Variants in IL12RB1 observed in about 807,000 individuals in gnomAD.
IL12RB1 encodes the protein interleukin 12 receptor subunit beta 1, also known as interleukin-12 receptor subunit beta-1.
A neutral mutation model predicts 94.4 loss-of-function variants in IL12RB1; 64 were observed. The observed-to-expected ratio is 0.68, with a 90% CI of 0.55 to 0.83. IL12RB1 has a LOEUF of 0.83. IL12RB1 is among the 40% of genes least tolerant of loss of function. The probability of loss-of-function intolerance (pLI) is 0.00; values close to 1 mark genes in which losing one functional copy is unlikely to be tolerated. For synonymous variants in IL12RB1, 362 were observed against 355.5 expected (o/e 1.02, Z -0.21); for missense variants, 814 against 855.6 (o/e 0.95, Z 0.61).
rs138189707 is a variant in IL12RB1, at chr19:18,073,528, G to C, written c.772C>G (p.Leu258Val). ...LGQDGRRRLT[L>V]KEQPTQLELP... is the part of the protein sequence containing the mutation. ...GACAGCCCCGTTACCTGCTCTTTCA[G>C]GGTCAGCCGCCTCCTCCCATCCTGG... The change falls in exon 8 of 17, where the codon CTG becomes GTG. Residue 258 changes from leucine to valine, a missense_variant. Coordinates refer to ENST00000593993, the MANE Select transcript of IL12RB1 (RefSeq NM_005535.3). The C allele has an allele frequency of 4.7e-5, 76 of 1,607,690 alleles. No homozygotes were observed. In the African/African-American group the frequency reaches 8.7e-4, roughly 18 times the overall value.
chr19:18,070,566 G>A, intron 9 of IL12RB1: 2 of 983,246 alleles, frequency 2.0e-6, no homozygotes, highest in African/African-American at 1.7e-5. Context: ...CAATTCTGGG[G>A]ATAGCAACAG....
intron 13 of IL12RB1, among the ~76,000 whole-genome samples, chr19:18,063,335 C>T (rs2034317077): frequency 6.6e-6 from 1 of 151,876 alleles, no homozygotes; most frequent in Non-Finnish European, 1.5e-5. Flanking sequence ...TCGGCTCAAG[C>T]AATCCTCCAG....
At chr19:18,060,120 G>C in intron 15 of IL12RB1, 35 bp from the exon 16 acceptor site, 3 of 1,192,146 alleles carry the variant, frequency 2.5e-6, no homozygotes, top group Non-Finnish European at 3.7e-6. Flanking sequence ...GCTGTGAGCA[G>C]AGCTCTACTT....
intron 3 of IL12RB1, 41 bp from the exon 4 acceptor site, chr19:18,081,042 C>T (rs907473237): frequency 1.3e-6 from 2 of 1,584,840 alleles, no homozygotes; most frequent in African/African-American, 2.7e-5. Flanking sequence ...GTCTGGGGTC[C>T]TAGTGGACCC....
At chr19:18,067,203 A>C (rs1235785459) in intron 11 of IL12RB1, among the ~76,000 whole-genome samples, 3 of 151,474 alleles carry the variant, frequency 2.0e-5, no homozygotes, top group Admixed American at 6.6e-5. Context: ...GGGCGCCTGT[A>C]ATCCCAGCTA....
At position 18,071,265 on chromosome 19, in the gene IL12RB1, G is replaced by A. The variant is rs535393755; in HGVS notation, c.1021+847C>T. On this transcript the variant is annotated intron_variant, in intron 9 of 16. Coordinates refer to ENST00000593993, the MANE Select transcript of IL12RB1 (RefSeq NM_005535.3). ...CAGATGCCTGTAATCCCAGCTACTC[G>A]GGAGGCTGAAGCAGGAGAATCTCTT... is the stretch of plus-strand genomic sequence containing the variant. 9 of 484,248 alleles carry A rather than the reference G, an allele frequency of 1.9e-5. No homozygotes were observed. The East Asian group carries it at 2.2e-4, about 12-fold the overall frequency. 30.0% of individuals were successfully genotyped at this position (484,248 alleles called of 1,614,324 possible).
intron 16 of IL12RB1, 34 bp from the exon 17 acceptor site, chr19:18,059,647 G>C (rs368249706): frequency 2.6e-6 from 2 of 780,404 alleles, no homozygotes; most frequent in South Asian, 1.3e-5. Flanking sequence ...TCCTTTCAGG[G>C]GGTGGTTGTA....
chr19:18,074,304 G>A (rs969889839), intron 7 of IL12RB1, among the ~76,000 whole-genome samples: 4 of 152,082 alleles, frequency 2.6e-5, no homozygotes, highest in African/African-American at 7.2e-5. Flanking sequence ...AAACCACAGC[G>A]CCAGGCCTTT....
intron 1 of IL12RB1, among the ~76,000 whole-genome samples, chr19:18,095,880 C>A (rs1224991376): frequency 2.6e-5 from 4 of 151,958 alleles, no homozygotes; most frequent in Non-Finnish European, 5.9e-5. Flanking sequence ...GTGGGGCAGC[C>A]GAAGACAACT....
In IL12RB1 at chr19:18,083,159, T is replaced by A. The variant is rs1164040173; in HGVS notation, c.124+273A>T. ...GGGCTTCAAAATGCTTAACAGGTAC[T>A]TTCTCCCATGTACCGACCAATCTGA... On this transcript the variant is annotated intron_variant, in intron 2 of 16. Transcript: ENST00000593993. 6 of 574,638 alleles carry A rather than the reference T, an allele frequency of 1.0e-5. No individual in the cohort carries two copies. In the Admixed American group the frequency reaches 1.8e-4, roughly 17 times the overall value. The allele number at this position is 574,638 out of a possible 1,614,324, so 35.6% of individuals were successfully genotyped here.
chr19:18,074,075 G>A (rs1423515325), intron 7 of IL12RB1, among the ~76,000 whole-genome samples: 4 of 152,112 alleles, frequency 2.6e-5, no homozygotes, highest in African/African-American at 2.4e-5. Context: ...CACTTGCCTC[G>A]GCCTCCCAAA....
At chr19:18,061,686 C>T (rs2034136528) in intron 14 of IL12RB1, among the ~76,000 whole-genome samples, 1 of 151,930 alleles carries the variant, frequency 6.6e-6, no homozygotes, top group African/African-American at 2.4e-5. Flanking sequence ...CATGGTGAAA[C>T]CCTATCTCTA....
chr19:18,076,032 C>T (rs544281126), intron 6 of IL12RB1, among the ~76,000 whole-genome samples, 164 bp from the exon 7 acceptor site: 36 of 152,276 alleles, frequency 2.4e-4, no homozygotes, highest in African/African-American at 7.7e-4. Flanking sequence ...TTAGGGCCTC[C>T]AGGATCACCC....
intron 12 of IL12RB1, among the ~76,000 whole-genome samples, chr19:18,064,639 A>AT (rs1221000309): frequency 6.6e-6 from 1 of 151,466 alleles, no homozygotes; most frequent in African/African-American, 2.4e-5. Context: ...TAGCCAGCTA[A>AT]TTTTTTGTAT....
chr19:18,092,431 G>A (rs773763493), intron 1 of IL12RB1, among the ~76,000 whole-genome samples: 6 of 151,508 alleles, frequency 4.0e-5, no homozygotes, highest in Non-Finnish European at 5.9e-5. Flanking sequence ...CGGGGTTTGC[G>A]GTGAGCCAAG....
intron 12 of IL12RB1, among the ~76,000 whole-genome samples, chr19:18,065,468 TC>T (rs1232347033): frequency 6.6e-6 from 1 of 152,104 alleles, no homozygotes; most frequent in African/African-American, 2.4e-5. Context: ...TCATGACTAA[TC>T]CCAGCACTTT....
At chr19:18,061,935 A>G (rs961278409) in intron 14 of IL12RB1, among the ~76,000 whole-genome samples, 2 of 152,194 alleles carry the variant, frequency 1.3e-5, no homozygotes, top group South Asian at 2.1e-4. Context: ...AAAAGTAAGT[A>G]TAAATCTGAC....
In IL12RB1 at chr19:18,066,677, G is replaced by T; in HGVS notation, c.1348C>A (p.His450Asn). 6.2e-7 allele frequency: 1 copy of T among 1,607,770 alleles called. No homozygotes were observed. Among genetic ancestry groups the T allele is most frequent in the Non-Finnish European group, 8.5e-7 (1 of 1,175,056 alleles). Reference protein sequence around the residue: ...GGNASAAGTPHHVSVKNHSLD... With the variant: ...GGNASAAGTPNHVSVKNHSLD... ...CTATGATTCTTCACCGAGACGTGGT[G>T]CGGTGTCCCAGCTGCTGAGGCTGCA... The change falls in exon 12 of 17, where the codon CAC becomes AAC. Residue 450 changes from histidine (H) to asparagine (N), a missense_variant. By Grantham distance (68) the His-to-Asn change is moderately conservative. Coordinates refer to ENST00000593993, the MANE Select transcript of IL12RB1 (RefSeq NM_005535.3).
At chr19:18,070,516 A>G in intron 9 of IL12RB1, 1 of 985,332 alleles carries the variant, frequency 1.0e-6, no homozygotes, top group Non-Finnish European at 1.2e-6. Flanking sequence ...CCCTCCCGCC[A>G]GGGCGTCTTC....
Sources: gnomAD v4.1 joint callset for allele counts (sites outside exome capture counted in the v4.1 genomes callset) on GRCh38, gnomAD v4.1.1 for gene constraint, MANE v1.5 for transcripts, NCBI Gene and HGNC (gene_info 2026-07-23, HGNC 2026-07-21) for gene names.